CRISPLD2: variants seen among roughly 807,000 people sequenced by gnomAD.
The protein encoded by CRISPLD2 is cysteine-rich secretory protein LCCL domain-containing 2.
A neutral mutation model predicts 71.1 loss-of-function variants in CRISPLD2; 47 were observed. That is an observed-to-expected ratio of 0.66 (90% confidence interval 0.52 to 0.84). The LOEUF is 0.84. Ranked by LOEUF, CRISPLD2 falls within the 40% of genes least tolerant of loss-of-function variation. The pLI is 0.00. For synonymous variants in CRISPLD2, 317 were observed against 250.1 expected, an observed-to-expected ratio of 1.27 and a Z score of -2.52; for missense variants, 830 against 651.1, an observed-to-expected ratio of 1.27 and a Z score of -2.99.
intron 4 of CRISPLD2, among the ~76,000 whole-genome samples, chr16:84,850,288 AC>A (rs1159255994): frequency 1.3e-5 from 2 of 151,770 alleles, no homozygotes; most frequent in African/African-American, 4.8e-5. Flanking sequence ...ATGGGGTTTC[AC>A]CATGTTGGTC....
At chr16:84,825,865 G>A (rs1301561246) in intron 1 of CRISPLD2, among the ~76,000 whole-genome samples, 2 of 152,136 alleles carry the variant, frequency 1.3e-5, no homozygotes, top group Non-Finnish European at 2.9e-5. Context: ...TTCTTGGGAG[G>A]TAGAAGACTT....
intron 5 of CRISPLD2, among the ~76,000 whole-genome samples, chr16:84,851,495 A>G (rs553467201): frequency 6.6e-6 from 1 of 152,238 alleles, no homozygotes; most frequent in African/African-American, 2.4e-5. Context: ...TGAAATGGGA[A>G]TGACCTCATT....
intron 1 of CRISPLD2, among the ~76,000 whole-genome samples, chr16:84,826,060 G>A (rs1916344339): frequency 6.6e-6 from 1 of 152,210 alleles, no homozygotes; most frequent in South Asian, 2.1e-4. Context: ...GTGGGGTGGG[G>A]CTGGCAGTCT....
At chr16:84,833,326 G>A (rs1018441830) in intron 1 of CRISPLD2, among the ~76,000 whole-genome samples, 17 of 152,262 alleles carry the variant, frequency 1.1e-4, no homozygotes, top group African/African-American at 2.6e-4. Context: ...ATGAGGTCTC[G>A]GAGCCGTTAT....
intron 14 of CRISPLD2, 148 bp from the exon 15 acceptor site, chr16:84,906,440 C>G: frequency 1.4e-6 from 1 of 690,036 alleles, no homozygotes; most frequent in East Asian, 2.7e-5. Context: ...GGCTCTGTGT[C>G]TGGCGGCTTC....
At chr16:84,843,907 A>C (rs1182869954) in intron 2 of CRISPLD2, among the ~76,000 whole-genome samples, 7 of 152,196 alleles carry the variant, frequency 4.6e-5, no homozygotes, top group African/African-American at 1.7e-4. Flanking sequence ...TCTTGCTGGG[A>C]CACGGGGAGA....
intron 14 of CRISPLD2, among the ~76,000 whole-genome samples, chr16:84,904,396 C>T (rs2071782673): frequency 6.6e-6 from 1 of 151,962 alleles, no homozygotes; most frequent in Non-Finnish European, 1.5e-5. Flanking sequence ...GCAGCCTGGC[C>T]AACATGGCAA....
intron 14 of CRISPLD2, among the ~76,000 whole-genome samples, chr16:84,893,909 A>C (rs1788415518): frequency 6.6e-6 from 1 of 152,168 alleles, no homozygotes; most frequent in Admixed American, 6.5e-5. Flanking sequence ...GCCCTTGGCG[A>C]GGGGGCGGTC....
chr16:84,885,199 A>G (rs546320703), intron 13 of CRISPLD2, among the ~76,000 whole-genome samples: 2 of 152,300 alleles, frequency 1.3e-5, no homozygotes, highest in Admixed American at 1.3e-4. Context: ...GTATCCAAGC[A>G]CCAAGGCTTC....
chr16:84,886,360 G>A (rs966275018), intron 13 of CRISPLD2, among the ~76,000 whole-genome samples: 4 of 152,170 alleles, frequency 2.6e-5, no homozygotes, highest in African/African-American at 4.8e-5. Flanking sequence ...CAATGCTTCC[G>A]GGGCCCCCGG....
chr16:84,890,563 GTCT>G (rs1401893769), intron 14 of CRISPLD2, among the ~76,000 whole-genome samples: 1 of 152,086 alleles, frequency 6.6e-6, no homozygotes, highest in African/African-American at 2.4e-5. Context: ...CTAGTAAGTA[GTCT>G]TCTCCAGGAA....
At position 84,849,370 on chromosome 16, in the gene CRISPLD2, G is replaced by C; in HGVS notation, c.360-15G>C. The stretch of plus-strand genomic sequence containing the variant: ...GGGAGGGGCTGGGACTGAGTGAGCG[G>C]TTTCTGCCCTGCAGGTATCGCTCTC... On this transcript the variant is annotated splice_polypyrimidine_tract_variant and intron_variant, in intron 3 of 14. Transcript: ENST00000262424. 2.5e-6 allele frequency: 4 copies of C among 1,609,098 alleles called. No homozygotes were observed. Among genetic ancestry groups the C allele is most frequent in the Non-Finnish European group, 3.4e-6 (4 of 1,176,172 alleles).
At chr16:84,857,461 C>A (rs1917272535) in intron 6 of CRISPLD2, among the ~76,000 whole-genome samples, 1 of 152,246 alleles carries the variant, frequency 6.6e-6, no homozygotes, top group South Asian at 2.1e-4. Flanking sequence ...AGTCATGCTT[C>A]TTCCAAGTCC....
intron 14 of CRISPLD2, among the ~76,000 whole-genome samples, chr16:84,890,215 C>T (rs2071649321): frequency 1.3e-5 from 2 of 151,932 alleles, no homozygotes; most frequent in South Asian, 4.2e-4. Flanking sequence ...AAAAATTAGC[C>T]AGGCGTGGTG....
chr16:84,852,245 C>T (rs139602058), intron 5 of CRISPLD2, among the ~76,000 whole-genome samples: 1 of 152,346 alleles, frequency 6.6e-6, no homozygotes, highest in Non-Finnish European at 1.5e-5. Flanking sequence ...GGTTTCAACA[C>T]TGGGATTTGG....
At chr16:84,868,068 T>C (rs1468935997) in intron 7 of CRISPLD2, among the ~76,000 whole-genome samples, 2 of 152,188 alleles carry the variant, frequency 1.3e-5, no homozygotes, top group Non-Finnish European at 2.9e-5. Flanking sequence ...GCCCTAAAAC[T>C]GGACCCCTCT....
At chr16:84,834,023 C>G (rs1372645814) in intron 1 of CRISPLD2, among the ~76,000 whole-genome samples, 1 of 152,232 alleles carries the variant, frequency 6.6e-6, no homozygotes, top group South Asian at 2.1e-4. Context: ...CAGCAGGGCA[C>G]TAAGCCAAGG....
chr16:84,896,605 T>G (rs1046570678), intron 14 of CRISPLD2, among the ~76,000 whole-genome samples: 1 of 152,096 alleles, frequency 6.6e-6, no homozygotes, highest in African/African-American at 2.4e-5. Context: ...TGGGCTAAGG[T>G]CAGTGTCCTG....
chr16:84,868,753 G>A, intron 7 of CRISPLD2, 98 bp from the exon 8 acceptor site: 1 of 1,008,132 alleles, frequency 9.9e-7, no homozygotes. Context: ...GCACGGATTG[G>A]ATTGCAGAAT....
Sources: gnomAD v4.1 joint callset for allele counts (sites outside exome capture counted in the v4.1 genomes callset) on GRCh38, gnomAD v4.1.1 for gene constraint, MANE v1.5 for transcripts, NCBI Gene and HGNC (gene_info 2026-07-23, HGNC 2026-07-21) for gene names.